Variants in FAM107B observed in about 807,000 individuals in gnomAD.
The protein encoded by FAM107B is family with sequence similarity 107 member B.
A neutral mutation model predicts 31.5 loss-of-function variants in FAM107B; 21 were observed. The observed-to-expected ratio is 0.67, with a 90% CI of 0.47 to 0.96. The LOEUF is 0.96. Among genes scored for constraint, FAM107B ranks in the 40% least tolerant of loss-of-function variants. The pLI is 0.00. For synonymous variants in FAM107B, 157 were observed against 141.5 expected (o/e 1.11, Z -0.78); for missense variants, 452 against 377.1 (o/e 1.20, Z -1.64).
At chr10:14,672,639 G>A (rs1387526717) in intron 1 of FAM107B, among the ~76,000 whole-genome samples, 1 of 152,148 alleles carries the variant, frequency 6.6e-6, no homozygotes, top group East Asian at 1.9e-4. Flanking sequence ...TATGGCTCAT[G>A]ACTGTATTTT....
intron 2 of FAM107B, among the ~76,000 whole-genome samples, chr10:14,637,579 G>C (rs1371733533): frequency 6.6e-6 from 1 of 152,202 alleles, no homozygotes; most frequent in African/African-American, 2.4e-5. Context: ...GTGAGGCTGA[G>C]GCTGCAATGA....
chr10:14,593,080 C>G (rs893220568), intron 2 of FAM107B, among the ~76,000 whole-genome samples: 1 of 152,108 alleles, frequency 6.6e-6, no homozygotes, highest in African/African-American at 2.4e-5. Context: ...GGCAGACTTC[C>G]CTGGGGTCCT....
chr10:14,553,279 G>C, intron 2 of FAM107B: 1 of 1,107,376 alleles, frequency 9.0e-7, no homozygotes, highest in Non-Finnish European at 1.2e-6. Context: ...GATGAAAGCT[G>C]AGGAATAAAG....
At chr10:14,548,410 TGAG>T in intron 2 of FAM107B, 1 of 985,528 alleles carries the variant, frequency 1.0e-6, no homozygotes, top group Non-Finnish European at 1.2e-6. Flanking sequence ...CACAGGTCTG[TGAG>T]GGTGCGTGGG....
intron 2 of FAM107B, among the ~76,000 whole-genome samples, chr10:14,614,007 TG>T (rs1370369903): frequency 6.6e-6 from 1 of 152,100 alleles, no homozygotes; most frequent in Non-Finnish European, 1.5e-5. Flanking sequence ...GGCGGGCGCC[TG>T]TAGTCCCAGC....
At chr10:14,631,521 A>G (rs930873072) in intron 2 of FAM107B, among the ~76,000 whole-genome samples, 32 of 152,220 alleles carry the variant, frequency 2.1e-4, no homozygotes, top group African/African-American at 7.2e-4. Flanking sequence ...AGACCAGATC[A>G]GAATTGACTG....
In FAM107B at chr10:14,754,139, A is replaced by G. The variant is rs145364124; in HGVS notation, c.411+20114T>C. ...TTTTTGGTAGGGACAGGGTTTTGCCATGTTGGCCAGACTGGTCTCAAACTC... is the reference window on the plus strand; with the variant it reads ...TTTTTGGTAGGGACAGGGTTTTGCCGTGTTGGCCAGACTGGTCTCAAACTC... On this transcript the variant is annotated intron_variant, in intron 1 of 4. Coordinates refer to ENST00000181796, the MANE Select transcript of FAM107B (RefSeq NM_031453.4). Among the ~76,000 whole-genome samples, 1,081 of 152,140 alleles carry G rather than the reference A, an allele frequency of 7.1e-3. 13 individuals carry two copies. Among genetic ancestry groups the G allele is most frequent in the African/African-American group, 0.025 (1,018 of 41,498 alleles).
At chr10:14,555,005 C>G (rs902111748) in intron 2 of FAM107B, among the ~76,000 whole-genome samples, 8 of 149,370 alleles carry the variant, frequency 5.4e-5, no homozygotes, top group Admixed American at 4.0e-4. Flanking sequence ...AATGTCAGAC[C>G]GAAATTATTA....
intron 2 of FAM107B, among the ~76,000 whole-genome samples, chr10:14,624,111 G>T (rs974411062): frequency 1.3e-5 from 2 of 152,142 alleles, no homozygotes; most frequent in African/African-American, 4.8e-5. Context: ...GGAGAGGCAG[G>T]TGAGGGAAGC....
intron 3 of FAM107B, among the ~76,000 whole-genome samples, chr10:14,525,144 GAA>G (rs1372967986): frequency 1.3e-5 from 2 of 152,198 alleles, no homozygotes; most frequent in African/African-American, 4.8e-5. Context: ...AGTCTAAATG[GAA>G]CAGAGATAGT....
At chr10:14,597,603 C>T (rs923623825) in intron 2 of FAM107B, among the ~76,000 whole-genome samples, 1 of 152,114 alleles carries the variant, frequency 6.6e-6, no homozygotes, top group African/African-American at 2.4e-5. Flanking sequence ...CTCCCATCCT[C>T]CAAGTGTCCC....
At chr10:14,577,911 T>A (rs1157470499) in intron 2 of FAM107B, among the ~76,000 whole-genome samples, 2 of 152,166 alleles carry the variant, frequency 1.3e-5, no homozygotes, top group Admixed American at 6.5e-5. Context: ...GGAAATACAT[T>A]GAGTTACACG....
intron 2 of FAM107B, among the ~76,000 whole-genome samples, chr10:14,575,206 T>G (rs1159459956): frequency 7.8e-6 from 1 of 128,904 alleles, no homozygotes. Context: ...GCTTTTTGTT[T>G]TTTTGTTTTT....
At chr10:14,724,384 G>A (rs1855981588) in intron 1 of FAM107B, among the ~76,000 whole-genome samples, 1 of 151,992 alleles carries the variant, frequency 6.6e-6, no homozygotes, top group Admixed American at 6.6e-5. Context: ...GAACTTTGTT[G>A]GAATCCTTGT....
intron 1 of FAM107B, among the ~76,000 whole-genome samples, chr10:14,738,409 T>A (rs532810816): frequency 6.6e-6 from 1 of 152,306 alleles, no homozygotes; most frequent in South Asian, 2.1e-4. Context: ...GTGGTGTAAC[T>A]GATAGTTGTC....
At chr10:14,726,254 A>G (rs1856033162) in intron 1 of FAM107B, among the ~76,000 whole-genome samples, 1 of 152,138 alleles carries the variant, frequency 6.6e-6, no homozygotes, top group Non-Finnish European at 1.5e-5. Context: ...CGGCCTCCCA[A>G]AGTACTGGGA....
chr10:14,762,351 C>A (rs1833066121), intron 1 of FAM107B, among the ~76,000 whole-genome samples: 1 of 152,174 alleles, frequency 6.6e-6, no homozygotes, highest in African/African-American at 2.4e-5. Flanking sequence ...GGAACCTGCA[C>A]CCAGAGGGGG....
At chr10:14,559,107 A>C (rs1378878739) in intron 2 of FAM107B, among the ~76,000 whole-genome samples, 2 of 96,002 alleles carry the variant, frequency 2.1e-5, no homozygotes, top group African/African-American at 3.2e-5. Context: ...TTCAAAAAAA[A>C]AAAAAAAAAA....
At chr10:14,753,849 C>T (rs1251372534) in intron 1 of FAM107B, among the ~76,000 whole-genome samples, 1 of 151,724 alleles carries the variant, frequency 6.6e-6, no homozygotes, top group East Asian at 1.9e-4. Flanking sequence ...CTTCCCCCCA[C>T]CTATATAAAA....
Sources: allele counts gnomAD v4.1 joint callset (sites outside exome capture counted in the v4.1 genomes callset), GRCh38; gene constraint gnomAD v4.1.1; transcripts MANE v1.5; gene names NCBI Gene and HGNC (gene_info 2026-07-23, HGNC 2026-07-21).